TBC1D22A: variants seen among roughly 807,000 people sequenced by gnomAD.
The protein encoded by TBC1D22A is putative GTPase activator.
TBC1D22A carries 38 observed loss-of-function variants against 60.2 expected under a neutral mutation model. The ratio of observed to expected loss-of-function variants is 0.63; its 90% CI spans 0.49 to 0.83. TBC1D22A has a LOEUF of 0.83. Ranked by LOEUF, TBC1D22A falls within the 40% of genes least tolerant of loss-of-function variation. TBC1D22A has a pLI of 0.00. For missense variants in TBC1D22A, 628 were observed against 701.0 expected (o/e 0.90, Z 1.18); for synonymous variants, 302 against 281.7 (o/e 1.07, Z -0.72).
intron 11 of TBC1D22A, among the ~76,000 whole-genome samples, chr22:47,106,933 A>G (rs1472347966): frequency 6.6e-6 from 1 of 152,232 alleles, no homozygotes; most frequent in Admixed American, 6.5e-5. Context: ...CTCCATCTCA[A>G]AAAACACAAC....
intron 12 of TBC1D22A, among the ~76,000 whole-genome samples, chr22:47,124,172 ATCCCTGCTGCTGCGGTGGGGGTGGGCGC>A (rs2066370387): frequency 6.6e-6 from 1 of 152,058 alleles, no homozygotes; most frequent in Admixed American, 6.5e-5. Context: ...GAGCATTTGA[ATCCCTGCTGCTGCGGTGGGGGTGGGCGC>A]TGCCCTTGTG....
At chr22:46,982,685 G>A (rs1374486074) in intron 9 of TBC1D22A, among the ~76,000 whole-genome samples, 2 of 152,218 alleles carry the variant, frequency 1.3e-5, no homozygotes, top group Non-Finnish European at 2.9e-5. Context: ...CGATGTCATT[G>A]GCACTGCCCT....
chr22:46,903,478 G>T (rs761366123), intron 7 of TBC1D22A, among the ~76,000 whole-genome samples: 1 of 152,098 alleles, frequency 6.6e-6, no homozygotes, highest in Non-Finnish European at 1.5e-5. Context: ...GGGACCTGTC[G>T]GCTCTTCCTG....
chr22:46,985,169 C>G (rs1602814465), intron 9 of TBC1D22A, among the ~76,000 whole-genome samples: 1 of 152,166 alleles, frequency 6.6e-6, no homozygotes, highest in African/African-American at 2.4e-5. Context: ...AGAGAGAAAG[C>G]GCACTCCAGC....
At chr22:47,037,562 C>T (rs1423442968) in intron 11 of TBC1D22A, among the ~76,000 whole-genome samples, 2 of 152,156 alleles carry the variant, frequency 1.3e-5, no homozygotes, top group Admixed American at 6.5e-5. Flanking sequence ...ACCCGGGAGG[C>T]GGAGGTTGCA....
intron 8 of TBC1D22A, among the ~76,000 whole-genome samples, chr22:46,965,935 T>G (rs1262519878): frequency 1.3e-5 from 2 of 152,306 alleles, no homozygotes; most frequent in African/African-American, 4.8e-5. Context: ...GCTGGCTTCA[T>G]CACGTCCCTC....
intron 12 of TBC1D22A, among the ~76,000 whole-genome samples, chr22:47,139,345 G>A (rs1270190042): frequency 2.6e-5 from 4 of 152,316 alleles, no homozygotes; most frequent in Middle Eastern, 3.4e-3. Flanking sequence ...AGGTGCTGAC[G>A]TGGCCGCACC....
In TBC1D22A at chr22:46,908,930, A is replaced by G. The variant is rs146236870; in HGVS notation, c.901-3144A>G. 9.1e-3 allele frequency among the ~76,000 whole-genome samples: 1,387 copies of G among 152,164 alleles called. 25 individuals carry two copies. Among genetic ancestry groups the G allele is most frequent in the African/African-American group, 0.031 (1,293 of 41,522 alleles). On this transcript the variant is annotated intron_variant, in intron 7 of 12. Coordinates refer to ENST00000337137, the MANE Select transcript of TBC1D22A (RefSeq NM_014346.5). ...GGTCTATCTCAGGTACAGTTCAGAG[A>G]TGCGGGCCTCATGGAGGCTCCTGCT... is the stretch of plus-strand genomic sequence containing the variant.
intron 4 of TBC1D22A, among the ~76,000 whole-genome samples, chr22:46,832,391 C>T (rs1245224857): frequency 2.0e-5 from 3 of 152,242 alleles, no homozygotes; most frequent in Admixed American, 6.5e-5. Context: ...TGGCTCACGC[C>T]TGTAATCCCA....
chr22:47,048,412 T>A lies in TBC1D22A; in HGVS notation c.1329+11214T>A, dbSNP rs561852443. On this transcript the variant is annotated intron_variant, in intron 11 of 12. Transcript: ENST00000337137. ...GGTGGTCAGGCCCCAGCACATCCAGTTACTACGTCACTTGCCGAGACGGTG... is the reference window on the plus strand; with the variant it reads ...GGTGGTCAGGCCCCAGCACATCCAGATACTACGTCACTTGCCGAGACGGTG... Among the ~76,000 whole-genome samples, 51 of 152,224 alleles carry A rather than the reference T, an allele frequency of 3.4e-4. No homozygotes were observed. The East Asian group carries it at 9.3e-3, about 28-fold the overall frequency.
chr22:46,788,513 G>T (rs1266505343), intron 1 of TBC1D22A, among the ~76,000 whole-genome samples: 1 of 152,202 alleles, frequency 6.6e-6, no homozygotes, highest in East Asian at 1.9e-4. Flanking sequence ...TCACAGGGCT[G>T]TTCCTTCACT....
At chr22:46,831,379 C>G (rs550210116) in intron 4 of TBC1D22A, among the ~76,000 whole-genome samples, 1 of 152,270 alleles carries the variant, frequency 6.6e-6, no homozygotes, top group African/African-American at 2.4e-5. Context: ...AAGATACCTG[C>G]TCCAAGGTCA....
rs531734220 is a variant in TBC1D22A, at chr22:46,942,028, A to T, written c.1015+29840A>T. ...GCATACATATATATATATATATATTATATATATATATACACACAGTCCACC... is the reference window on the plus strand; with the variant it reads ...GCATACATATATATATATATATATTTTATATATATATACACACAGTCCACC... On this transcript the variant is annotated intron_variant, in intron 8 of 12. Coordinates refer to ENST00000337137, the MANE Select transcript of TBC1D22A (RefSeq NM_014346.5). Among the ~76,000 whole-genome samples, 175 of 135,512 alleles carry T rather than the reference A, an allele frequency of 1.3e-3. 2 individuals are homozygous for T. The highest frequency in any genetic ancestry group is 4.7e-3 in the African/African-American group (160 of 34,250). 88.9% of individuals were successfully genotyped at this position (135,512 alleles called of 152,430 possible). A position where few individuals can be genotyped will look rare whatever the true frequency, so the allele number is the denominator to read the frequency against.
chr22:46,844,443 T>C (rs2086905004), intron 4 of TBC1D22A, among the ~76,000 whole-genome samples: 1 of 152,214 alleles, frequency 6.6e-6, no homozygotes, highest in African/African-American at 2.4e-5. Flanking sequence ...ACCTCCTCTG[T>C]GCCAGGCAGT....
At chr22:47,070,936 C>T (rs1017417150) in intron 11 of TBC1D22A, among the ~76,000 whole-genome samples, 2 of 152,242 alleles carry the variant, frequency 1.3e-5, no homozygotes, top group South Asian at 2.1e-4. Context: ...GCTGACCTGA[C>T]GGTCCCGGCG....
At chr22:47,149,462 G>A (rs1271165283) in intron 12 of TBC1D22A, among the ~76,000 whole-genome samples, 1 of 152,262 alleles carries the variant, frequency 6.6e-6, no homozygotes, top group Non-Finnish European at 1.5e-5. Context: ...CGTGTATACA[G>A]CGTGCCACCC....
chr22:46,842,156 C>T, intron 4 of TBC1D22A, among the ~76,000 whole-genome samples: 1 of 152,138 alleles, frequency 6.6e-6, no homozygotes, highest in East Asian at 1.9e-4. Flanking sequence ...TTAAAACAGG[C>T]ACCATCAATT....
At chr22:47,086,007 C>T (rs1316959435) in intron 11 of TBC1D22A, among the ~76,000 whole-genome samples, 1 of 152,184 alleles carries the variant, frequency 6.6e-6, no homozygotes, top group Non-Finnish European at 1.5e-5. Flanking sequence ...TTAGATTAAG[C>T]ATTTGAAGCA....
At chr22:46,805,952 A>C (rs2085112661) in intron 4 of TBC1D22A, among the ~76,000 whole-genome samples, 1 of 151,848 alleles carries the variant, frequency 6.6e-6, no homozygotes, top group Non-Finnish European at 1.5e-5. Flanking sequence ...TCCCAGGTTC[A>C]AGTGATTCTC....
Sources: gnomAD v4.1 joint callset for allele counts (sites outside exome capture counted in the v4.1 genomes callset) on GRCh38, gnomAD v4.1.1 for gene constraint, MANE v1.5 for transcripts, NCBI Gene and HGNC (gene_info 2026-07-23, HGNC 2026-07-21) for gene names.